Variants in URGCP observed in about 807,000 individuals in gnomAD.
URGCP encodes up-regulator of cell proliferation.
In URGCP, 13 loss-of-function variants were observed where a neutral mutation model predicts 24.6. The observed-to-expected ratio is 0.53, with a 90% CI of 0.34 to 0.84. The LOEUF is 0.84. Among genes scored for constraint, URGCP ranks in the 40% least tolerant of loss-of-function variants. URGCP has a pLI of 0.01. For synonymous variants in URGCP, 444 were observed against 487.2 expected (o/e 0.91, Z 1.17); for missense variants, 899 against 1,194.3 (o/e 0.75, Z 3.64).
Position 43,878,553 on chromosome 7 carries a change from C to T in URGCP, c.910G>A (p.Ala304Thr). ...WHRDLNLGTN[A>T]REISDGLVEI... ...ACCAACCCATCCGAAATCTCCCGGGCATTGGTGCCCAAGTTGAGGTCCCGA... is the reference window on the plus strand; with the variant it reads ...ACCAACCCATCCGAAATCTCCCGGGTATTGGTGCCCAAGTTGAGGTCCCGA... The change falls in exon 6 of 6, where the codon GCC becomes ACC. Residue 304 changes from alanine to threonine, a missense_variant. Transcript: ENST00000453200. The surrounding 1 kb of genome is among the most constrained non-coding windows in gnomAD (Gnocchi z 5.6). 1 of 1,614,208 alleles carries T rather than the reference C, an allele frequency of 6.2e-7. No homozygotes were observed. The highest frequency in any genetic ancestry group is 1.1e-5 in the South Asian group (1 of 91,088).
chr7:43,923,876 A>AT (rs1224135640), intron 1 of URGCP, among the ~76,000 whole-genome samples: 1 of 146,662 alleles, frequency 6.8e-6, no homozygotes, highest in African/African-American at 2.7e-5. Context: ...GTGTATTATT[A>AT]TTATTTTTTT....
chr7:43,883,358 A>ATTTTTTT (rs1490751876), intron 3 of URGCP, among the ~76,000 whole-genome samples: 3 of 95,868 alleles, frequency 3.1e-5, no homozygotes, highest in African/African-American at 5.9e-5. Context: ...ATATATATAT[A>ATTTTTTT]TATATTTTTT....
Position 43,876,660 on chromosome 7 carries a change from T to C in URGCP, c.*7A>G. 2.5e-6 allele frequency: 4 copies of C among 1,612,052 alleles called. No homozygotes were observed. Among genetic ancestry groups the C allele is most frequent in the Non-Finnish European group, 3.4e-6 (4 of 1,178,720 alleles). On this transcript the variant is annotated 3_prime_UTR_variant, in exon 6 of 6. Transcript: ENST00000453200. Reference sequence around the variant, plus strand: ...CTCCTACACCTGAACTGGGTTTCTCTGCACACTCACAGCCGTCTCACCAGC... The same window carrying C: ...CTCCTACACCTGAACTGGGTTTCTCCGCACACTCACAGCCGTCTCACCAGC...
At chr7:43,881,590 TG>T (rs1376519786) in intron 5 of URGCP, 68 bp downstream of exon 5, 1 of 1,608,874 alleles carries the variant, frequency 6.2e-7, no homozygotes, top group African/African-American at 1.3e-5. Context: ...CAGTCAGGTG[TG>T]GGAACTGCTG....
intron 1 of URGCP, among the ~76,000 whole-genome samples, chr7:43,897,803 C>T (rs1008787219): frequency 2.6e-5 from 4 of 152,052 alleles, no homozygotes; most frequent in Non-Finnish European, 5.9e-5. Flanking sequence ...GCAATAGTAC[C>T]AGCAGCAATG....
chr7:43,912,954 G>T (rs917598683), intron 1 of URGCP, among the ~76,000 whole-genome samples: 1 of 151,958 alleles, frequency 6.6e-6, no homozygotes, highest in Non-Finnish European at 1.5e-5. Flanking sequence ...GGGTTCAAGA[G>T]ATTCTCCTGC....
rs1334828206 is a variant in URGCP at position 43,878,364 on chromosome 7, T to G, written c.1099A>C (p.Lys367Gln). The G allele has an allele frequency of 1.2e-5, 19 of 1,614,120 alleles. No homozygotes were observed. The South Asian group carries it at 1.9e-4, about 16-fold the overall frequency. Reference protein sequence around the residue: ...AVFILTDNISKKEYKLLYSMK... With the variant: ...AVFILTDNISQKEYKLLYSMK... ...GAGTACAGCAATTTGTATTCCTTCTTACTGATATTGTCAGTCAATATAAAC... is the reference window on the plus strand; with the variant it reads ...GAGTACAGCAATTTGTATTCCTTCTGACTGATATTGTCAGTCAATATAAAC... The change falls in exon 6 of 6, where the codon AAG becomes CAG. Residue 367 changes from lysine to glutamine, a missense_variant. Lys to Gln is a moderately conservative substitution (Grantham distance 53). Coordinates refer to ENST00000453200, the MANE Select transcript of URGCP (RefSeq NM_001077663.3). The surrounding 1 kb of genome is among the most constrained non-coding windows in gnomAD (Gnocchi z 5.6).
rs901653676 is a variant in URGCP, at chr7:43,919,767, C to T, written c.-116+6365G>A. The T allele has an allele frequency of 8.8e-6, 12 of 1,357,126 alleles. No individual in the cohort carries two copies. In the Admixed American group the frequency reaches 2.0e-4, roughly 23 times the overall value. 84.1% of individuals were successfully genotyped at this position (1,357,126 alleles called of 1,614,324 possible). A position where few individuals can be genotyped will look rare whatever the true frequency, so the allele number is the denominator to read the frequency against. ...CATCCTGTTGGGCCCCACCAGCATC[C>T]AGGTGGCCCTGTCGAGGAAGTCTCC... On this transcript the variant is annotated intron_variant, in intron 1 of 5. Coordinates refer to the URGCP transcript ENST00000426198.
chr7:43,908,786 G>A (rs1425571303), upstream of URGCP, among the ~76,000 whole-genome samples: 1 of 152,126 alleles, frequency 6.6e-6, no homozygotes, highest in Non-Finnish European at 1.5e-5. Flanking sequence ...ACCTTGTTGG[G>A]TGGTGGGAAA....
intron 1 of URGCP, among the ~76,000 whole-genome samples, chr7:43,917,815 A>G (rs2095917033): frequency 6.6e-6 from 1 of 152,100 alleles, no homozygotes; most frequent in African/African-American, 2.4e-5. Context: ...TATAAAAAAT[A>G]AAAAATTGGC....
chr7:43,901,955 T>G (rs2095891501), intron 1 of URGCP, among the ~76,000 whole-genome samples: 1 of 152,244 alleles, frequency 6.6e-6, no homozygotes, highest in African/African-American at 2.4e-5. Flanking sequence ...GAGATGTTCC[T>G]GAGAGGAGCA....
intron 1 of URGCP, among the ~76,000 whole-genome samples, chr7:43,900,146 A>AAAAG (rs1169257141): frequency 2.6e-5 from 4 of 151,810 alleles, no homozygotes; most frequent in African/African-American, 9.7e-5. Flanking sequence ...CTCTGTCTCA[A>AAAAG]AAAGAAAGAA....
chr7:43,923,635 A>G (rs1193717307), intron 1 of URGCP, among the ~76,000 whole-genome samples: 2 of 152,158 alleles, frequency 1.3e-5, no homozygotes, highest in Non-Finnish European at 2.9e-5. Flanking sequence ...TCTTCTTTGA[A>G]GAAATTTCTA....
In URGCP at chr7:43,876,511, G is replaced by T; in HGVS notation, c.*156C>A. ...TGAGGTCACTTCCTCTTTTAACACT[G>T]TTGAGGAGACTCCAAACCCTGTCTT... On this transcript the variant is annotated 3_prime_UTR_variant, in exon 6 of 6. Coordinates refer to ENST00000453200, the MANE Select transcript of URGCP (RefSeq NM_001077663.3). 1.3e-6 allele frequency: 1 copy of T among 758,034 alleles called. No individual in the cohort carries two copies. Among genetic ancestry groups the T allele is most frequent in the Non-Finnish European group, 2.1e-6 (1 of 478,866 alleles). 47.0% of individuals were successfully genotyped at this position (758,034 alleles called of 1,614,324 possible).
chr7:43,878,185 G>C lies in URGCP; in HGVS notation c.1278C>G (p.Ser426Arg). 1 of 1,614,250 alleles carries C rather than the reference G, an allele frequency of 6.2e-7. No homozygotes were observed. Among genetic ancestry groups the C allele is most frequent in the Non-Finnish European group, 8.5e-7 (1 of 1,180,052 alleles). The change falls in exon 6 of 6, where the codon AGC becomes AGG. Residue 426 changes from serine to arginine, a missense_variant. Physicochemically the swap from Ser to Arg is moderately radical, Grantham distance 110. Coordinates refer to ENST00000453200, the MANE Select transcript of URGCP (RefSeq NM_001077663.3). The surrounding 1 kb of genome is among the most constrained non-coding windows in gnomAD (Gnocchi z 5.6). ...CGATGGCCCGGATCCTCTTCACGAA[G>C]CTGTCGCTGTCAGTGCTGCTGACCT... ...LVKVSSTDSD[S>R]FVKRIRAIVG...
upstream of URGCP, among the ~76,000 whole-genome samples, chr7:43,909,561 AC>A (rs374916652): frequency 6.0e-5 from 9 of 150,356 alleles, no homozygotes; most frequent in African/African-American, 2.2e-4. Flanking sequence ...CTCCATCTCT[AC>A]TAAAAATACA....
intron 1 of URGCP, chr7:43,905,762 A>T (rs1228740445): frequency 4.6e-5 from 7 of 152,226 alleles, no homozygotes; most frequent in Admixed American, 1.3e-4. Flanking sequence ...TTGTAAAATG[A>T]AAGTGTTGGA....
At chr7:43,880,001 G>GT (rs1455753369) in intron 5 of URGCP, among the ~76,000 whole-genome samples, 1 of 151,064 alleles carries the variant, frequency 6.6e-6, no homozygotes, top group Non-Finnish European at 1.5e-5. Flanking sequence ...TCAGTTCACT[G>GT]TAGCCTCAAC....
chr7:43,918,878 C>T (rs1380600226), intron 1 of URGCP: 2 of 1,404,290 alleles, frequency 1.4e-6, no homozygotes, highest in East Asian at 4.6e-5. Flanking sequence ...AGCACTACAT[C>T]CCCCGGGCTG....
Sources: allele counts gnomAD v4.1 joint callset (sites outside exome capture counted in the v4.1 genomes callset), GRCh38; gene constraint gnomAD v4.1.1; non-coding constraint Gnocchi (gnomAD v3.1); transcripts MANE v1.5; gene names NCBI Gene and HGNC (gene_info 2026-07-23, HGNC 2026-07-21).